Variants in SYT16 observed in about 807,000 individuals in gnomAD.
SYT16 encodes synaptotagmin-16.
Under a neutral mutation model 61.4 loss-of-function variants are expected in SYT16, and 42 were observed. That is an observed-to-expected ratio of 0.68 (90% CI 0.53 to 0.89). SYT16 has a LOEUF of 0.89. SYT16 is among the 40% of genes least tolerant of loss of function. The pLI, the probability that SYT16 is intolerant of heterozygous loss-of-function variation, is 0.00. For missense variants in SYT16, 804 were observed against 807.3 expected (o/e 1.00, Z 0.05); for synonymous variants, 314 against 302.3 (o/e 1.04, Z -0.40).
intron 1 of SYT16, among the ~76,000 whole-genome samples, chr14:61,940,974 A>T (rs994937505): frequency 4.6e-5 from 7 of 152,140 alleles, no homozygotes; most frequent in African/African-American, 1.7e-4. Flanking sequence ...GCCTTAGGGG[A>T]GACTGTGACA....
At chr14:62,058,866 T>C (rs757375946) in intron 3 of SYT16, among the ~76,000 whole-genome samples, 9 of 152,178 alleles carry the variant, frequency 5.9e-5, no homozygotes, top group Non-Finnish European at 1.3e-4. Context: ...GTGGCATATA[T>C]GCACCGTGGA....
chr14:62,045,284 A>C (rs1320235771), intron 3 of SYT16, among the ~76,000 whole-genome samples: 2 of 152,124 alleles, frequency 1.3e-5, no homozygotes, highest in Non-Finnish European at 2.9e-5. Flanking sequence ...ATTATATGGG[A>C]AGTTTTTCCT....
At chr14:61,901,762 A>AATAATAATAATT (rs1010775490) in intron 1 of SYT16, among the ~76,000 whole-genome samples, 68 of 138,826 alleles carry the variant, frequency 4.9e-4, no homozygotes, top group African/African-American at 1.9e-3. Context: ...TAATAATAAT[A>AATAATAATAATT]ATTATTATTA....
intron 3 of SYT16, among the ~76,000 whole-genome samples, chr14:62,056,908 C>T (rs2055583916): frequency 1.3e-5 from 2 of 152,180 alleles, no homozygotes. Context: ...CAAGGGTCAG[C>T]GGCAGCAGCG....
At chr14:61,946,740 G>T (rs2050453515) in intron 1 of SYT16, among the ~76,000 whole-genome samples, 1 of 152,108 alleles carries the variant, frequency 6.6e-6, no homozygotes, top group Admixed American at 6.5e-5. Context: ...TTTAGGACTA[G>T]GTCCTATTCT....
Position 62,101,242 on chromosome 14 carries a change from C to A in SYT16, c.*535C>A, listed in dbSNP as rs921151052. On this transcript the variant is annotated 3_prime_UTR_variant, in exon 8 of 8. Transcript: ENST00000683842. ...TTATCAAAGAAACCTATTTACCTAA[C>A]GAGTAAATATTATAAACTTGCACTT... is the stretch of plus-strand genomic sequence containing the variant. The A allele has an allele frequency of 6.6e-6, 1 of 152,434 alleles. No homozygotes were observed. The highest frequency in any genetic ancestry group is 1.9e-4 in the East Asian group (1 of 5,204). 9.4% of individuals were successfully genotyped at this position (152,434 alleles called of 1,614,324 possible).
intron 1 of SYT16, among the ~76,000 whole-genome samples, chr14:61,969,452 CAG>C (rs893725649): frequency 6.6e-6 from 1 of 152,064 alleles, no homozygotes; most frequent in African/African-American, 2.4e-5. Flanking sequence ...AGTTAAAGGG[CAG>C]AGTTTTTTGA....
At chr14:61,938,963 C>T (rs978839425) in intron 1 of SYT16, among the ~76,000 whole-genome samples, 3 of 152,048 alleles carry the variant, frequency 2.0e-5, no homozygotes, top group Non-Finnish European at 4.4e-5. Flanking sequence ...GGTGAAACCT[C>T]GTCTCTACTA....
chr14:61,965,675 A>G (rs922955241), intron 1 of SYT16, among the ~76,000 whole-genome samples: 31 of 152,298 alleles, frequency 2.0e-4, no homozygotes, highest in African/African-American at 7.0e-4. Context: ...TGTGTAGGGA[A>G]TGTTTAATAT....
At chr14:62,099,474 G>A (rs971719719) in intron 7 of SYT16, among the ~76,000 whole-genome samples, 4 of 152,192 alleles carry the variant, frequency 2.6e-5, no homozygotes, top group African/African-American at 7.2e-5. Flanking sequence ...GAATGATGCT[G>A]CTATTCACAG....
At chr14:61,936,333 C>G (rs2049980039) in intron 1 of SYT16, among the ~76,000 whole-genome samples, 1 of 151,934 alleles carries the variant, frequency 6.6e-6, no homozygotes. Flanking sequence ...GAAAAAAGTA[C>G]TGATAACTAT....
At chr14:62,020,253 G>T (rs1056569812) in intron 3 of SYT16, among the ~76,000 whole-genome samples, 2 of 152,084 alleles carry the variant, frequency 1.3e-5, no homozygotes, top group African/African-American at 2.4e-5. Flanking sequence ...TTTTCTTAAA[G>T]AATTTTTTCA....
intron 1 of SYT16, among the ~76,000 whole-genome samples, chr14:61,871,685 C>T (rs1340312145): frequency 6.6e-6 from 1 of 151,974 alleles, no homozygotes. Flanking sequence ...AAATTTAATC[C>T]CTATTACTAT....
chr14:61,929,794 CTT>C (rs1157293580), intron 1 of SYT16, among the ~76,000 whole-genome samples: 1 of 152,182 alleles, frequency 6.6e-6, no homozygotes, highest in Non-Finnish European at 1.5e-5. Flanking sequence ...TGATTGAAAA[CTT>C]TTGATGGCTT....
At chr14:61,955,690 T>C (rs919260352) in intron 1 of SYT16, among the ~76,000 whole-genome samples, 22 of 152,140 alleles carry the variant, frequency 1.4e-4, no homozygotes, top group Admixed American at 1.0e-3. Context: ...CATTCATCCA[T>C]TGATGGATAC....
intron 3 of SYT16, among the ~76,000 whole-genome samples, chr14:62,008,092 G>A (rs1394502299): frequency 2.6e-5 from 4 of 151,962 alleles, no homozygotes; most frequent in Non-Finnish European, 4.4e-5. Flanking sequence ...TTACCTGTGT[G>A]TTTGTGTGTT....
chr14:61,880,977 C>T (rs2047677494), intron 1 of SYT16, among the ~76,000 whole-genome samples: 1 of 152,154 alleles, frequency 6.6e-6, no homozygotes, highest in East Asian at 1.9e-4. Flanking sequence ...AAGGTCACCT[C>T]TTGATACATC....
intron 1 of SYT16, among the ~76,000 whole-genome samples, chr14:61,859,095 A>G (rs906037942): frequency 4.0e-5 from 6 of 151,654 alleles, no homozygotes; most frequent in Non-Finnish European, 8.8e-5. Flanking sequence ...TCCTGACCTC[A>G]TGATTCGCCC....
intron 1 of SYT16, among the ~76,000 whole-genome samples, chr14:61,864,669 T>A (rs1594783231): frequency 6.6e-6 from 1 of 152,358 alleles, no homozygotes. Flanking sequence ...GGCCCTTTTA[T>A]GCCGGTCCCT....
Sources: allele counts gnomAD v4.1 joint callset (sites outside exome capture counted in the v4.1 genomes callset), GRCh38; gene constraint gnomAD v4.1.1; transcripts MANE v1.5; gene names NCBI Gene and HGNC (gene_info 2026-07-23, HGNC 2026-07-21).